Variants in GRIN2B observed in about 807,000 individuals in gnomAD.
GRIN2B encodes the protein glutamate receptor ionotropic, NMDA 2B.
Under a neutral mutation model 114.5 loss-of-function variants are expected in GRIN2B, and 5 were observed. That is an observed-to-expected ratio of 0.04 (90% confidence interval 0.02 to 0.09). The LOEUF (loss-of-function observed/expected upper bound fraction) is 0.09. GRIN2B is among the 10% of genes least tolerant of loss of function. GRIN2B has a pLI of 1.00. For synonymous variants in GRIN2B, 787 were observed against 745.1 expected, an observed-to-expected ratio of 1.06 and a Z score of -0.92; for missense variants, 1,108 against 1,943.5, an observed-to-expected ratio of 0.57 and a Z score of 8.08.
intron 3 of GRIN2B, among the ~76,000 whole-genome samples, chr12:13,777,515 A>G (rs2136652016): frequency 6.6e-6 from 1 of 152,320 alleles, no homozygotes; most frequent in South Asian, 2.1e-4. Context: ...CGCAATACCC[A>G]TCTTCAGAAT....
At chr12:13,711,410 G>A (rs188952595) in intron 4 of GRIN2B, among the ~76,000 whole-genome samples, 3,078 of 152,210 alleles carry the variant, frequency 0.02, 74 homozygotes, top group African/African-American at 0.054. Context: ...CTTCTGCACA[G>A]CAAAAGAAAC....
intron 2 of GRIN2B, among the ~76,000 whole-genome samples, chr12:13,897,777 T>C (rs1039321420): frequency 6.6e-6 from 1 of 152,108 alleles, no homozygotes; most frequent in African/African-American, 2.4e-5. Context: ...TGAATAGATA[T>C]TTAGATAATG....
At chr12:13,571,350 C>G (rs1948706271) in intron 11 of GRIN2B, among the ~76,000 whole-genome samples, 1 of 152,174 alleles carries the variant, frequency 6.6e-6, no homozygotes, top group Non-Finnish European at 1.5e-5. Flanking sequence ...TATGTTAACA[C>G]AAGCTGGCAC....
chr12:13,943,851 A>C (rs1350759906), intron 2 of GRIN2B, among the ~76,000 whole-genome samples: 1 of 152,122 alleles, frequency 6.6e-6, no homozygotes, highest in Non-Finnish European at 1.5e-5. Context: ...TCATATTTGC[A>C]TCTCTTCGTT....
In GRIN2B at chr12:13,911,409, G is replaced by A. The variant is rs150869318; in HGVS notation, c.-18-45183C>T. 2.6e-3 allele frequency among the ~76,000 whole-genome samples: 389 copies of A among 152,210 alleles called. 1 individual carries two copies. Among genetic ancestry groups the A allele is most frequent in the Middle Eastern group, 0.01 (3 of 294 alleles). The stretch of plus-strand genomic sequence containing the variant: ...TAAGCAACAAGAAGGCCTCGTCAAC[G>A]AAAGCAAGTGAGCCTCAGAAGTCTG... On this transcript the variant is annotated intron_variant, in intron 2 of 13. Transcript: ENST00000609686.
chr12:13,615,906 AT>A lies in GRIN2B; in HGVS notation c.1329-243del, dbSNP rs1256603394. On this transcript the variant is annotated intron_variant, in intron 6 of 13. Coordinates refer to ENST00000609686, the MANE Select transcript of GRIN2B (RefSeq NM_000834.5). This position sits in a 1 kb window ranked among gnomAD's most constrained non-coding sequence, Gnocchi z 5.8. ...TTTTAATTCTCCTTTGAAGTACAAA[AT>A]ACATAAGAAAAGGGTGCATATTTGA... Among the ~76,000 whole-genome samples, 2 of 152,152 alleles carry A rather than the reference AT, an allele frequency of 1.3e-5. No individual in the cohort carries two copies. Among genetic ancestry groups the A allele is most frequent in the Non-Finnish European group, 2.9e-5 (2 of 68,036 alleles).
In GRIN2B at chr12:13,639,482, G is replaced by A. The variant is rs143035366; in HGVS notation, c.1126-22825C>T. Among the ~76,000 whole-genome samples the A allele has an allele frequency of 2.0e-5, 3 of 152,214 alleles. No homozygotes were observed. The East Asian group carries it at 5.8e-4, about 29-fold the overall frequency. ...AATAGGTCACTTCTCAACGTTCAAT[G>A]TCCCATCTCCTTTTACGTTCCCACA... On this transcript the variant is annotated intron_variant, in intron 5 of 13. Transcript: ENST00000609686.
At chr12:13,740,927 G>C (rs1274260867) in intron 4 of GRIN2B, among the ~76,000 whole-genome samples, 1 of 152,216 alleles carries the variant, frequency 6.6e-6, no homozygotes, top group African/African-American at 2.4e-5. Flanking sequence ...TTCAGTGTGG[G>C]AAGTCTTTAC....
At position 13,615,810 on chromosome 12, in the gene GRIN2B, A is replaced by G. The variant is rs1949431809; in HGVS notation, c.1329-146T>C. ...GCACAATTTATACTAGACTCGAGTGAAGAAATAAAGCAGGCAACAGACCTG... is the reference window on the plus strand; with the variant it reads ...GCACAATTTATACTAGACTCGAGTGGAGAAATAAAGCAGGCAACAGACCTG... On this transcript the variant is annotated intron_variant, in intron 6 of 13. Transcript: ENST00000609686. The surrounding 1 kb of genome is among the most constrained non-coding windows in gnomAD (Gnocchi z 5.8). The G allele has an allele frequency of 1.4e-6, 1 of 714,446 alleles. No homozygotes were observed. Among genetic ancestry groups the G allele is most frequent in the Non-Finnish European group, 2.5e-6 (1 of 395,982 alleles). 44.3% of individuals were successfully genotyped at this position (714,446 alleles called of 1,614,324 possible).
chr12:13,594,032 T>G (rs1949041619), intron 10 of GRIN2B, among the ~76,000 whole-genome samples: 1 of 152,144 alleles, frequency 6.6e-6, no homozygotes, highest in Non-Finnish European at 1.5e-5. Flanking sequence ...CAACAGATGC[T>G]GGAGAGGATG....
chr12:13,563,119 G>A lies in GRIN2B; in HGVS notation c.4119C>T (p.Leu1373=). The part of the protein sequence containing the change: ...HHNNPGGGYM[L]SKSLYPDRVT... The stretch of plus-strand genomic sequence containing the variant: ...CCCGGTCAGGGTAGAGCGACTTGCT[G>A]AGCATGTACCCGCCGCCGGGGTTGT... Residue 1373 remains leucine (L), a synonymous_variant, in exon 14 of 14, where the codon CTC becomes CTT. Transcript: ENST00000609686. 1 of 1,614,186 alleles carries A rather than the reference G, an allele frequency of 6.2e-7. No individual in the cohort carries two copies. The highest frequency in any genetic ancestry group is 1.1e-5 in the South Asian group (1 of 91,088).
intron 3 of GRIN2B, among the ~76,000 whole-genome samples, chr12:13,823,779 G>A (rs139151789): frequency 7.9e-5 from 12 of 152,038 alleles, no homozygotes; most frequent in African/African-American, 1.7e-4. Flanking sequence ...GTATGATGTC[G>A]GCTATAGGTT....
chr12:13,926,709 T>A (rs879013259), intron 2 of GRIN2B, among the ~76,000 whole-genome samples: 2 of 152,192 alleles, frequency 1.3e-5, no homozygotes, highest in Admixed American at 1.3e-4. Context: ...ACCCCAGCAC[T>A]TCGGGAGGCC....
intron 5 of GRIN2B, among the ~76,000 whole-genome samples, chr12:13,644,570 G>T (rs1350517193): frequency 2.0e-5 from 3 of 150,362 alleles, no homozygotes; most frequent in Non-Finnish European, 3.0e-5. Context: ...TGTCTTTAAA[G>T]CTTTAAAGCC....
chr12:13,837,485 C>G (rs940930789), intron 3 of GRIN2B, among the ~76,000 whole-genome samples: 3 of 152,218 alleles, frequency 2.0e-5, no homozygotes, highest in East Asian at 3.9e-4. Flanking sequence ...GAAGGGCGCC[C>G]TTCTCAGCCA....
chr12:13,814,315 C>T (rs1466448324), intron 3 of GRIN2B, among the ~76,000 whole-genome samples: 1 of 152,340 alleles, frequency 6.6e-6, no homozygotes, highest in East Asian at 1.9e-4. Flanking sequence ...CCAGATCTCA[C>T]ATGCTATGTT....
rs763793097 is a variant in GRIN2B at position 13,564,768 on chromosome 12, A to G, written c.2599-129T>C. 3 of 871,850 alleles carry G rather than the reference A, an allele frequency of 3.4e-6. No homozygotes were observed. Among genetic ancestry groups the G allele is most frequent in the Non-Finnish European group, 5.7e-6 (3 of 525,236 alleles). The allele number at this position is 871,850 out of a possible 1,614,324, so 54.0% of individuals were successfully genotyped here. ...GAAAGCATGAAGCGAATAGTCTAAT[A>G]TACTATTAGATGTGGCTAGAAGTTT... On this transcript the variant is annotated intron_variant, in intron 13 of 13. Transcript: ENST00000609686. The surrounding 1 kb of genome is among the most constrained non-coding windows in gnomAD (Gnocchi z 4.8).
rs999301373 is a variant in GRIN2B at position 13,549,927 on chromosome 12, C to A, written c.*12856G>T. The A allele has an allele frequency of 6.6e-6, 1 of 152,062 alleles. No homozygotes were observed. Among genetic ancestry groups the A allele is most frequent in the African/African-American group, 2.4e-5 (1 of 41,396 alleles). The allele number at this position is 152,062 out of a possible 1,614,324, so 9.4% of individuals were successfully genotyped here. A position where few individuals can be genotyped will look rare whatever the true frequency, so the allele number is the denominator to read the frequency against. On this transcript the variant is annotated 3_prime_UTR_variant, in exon 14 of 14. Coordinates refer to ENST00000609686, the MANE Select transcript of GRIN2B (RefSeq NM_000834.5). Reference sequence around the variant, plus strand: ...CTGGCTAAATCAGCTGCCTAGATTTCGTGACTTTTCTCCACTGCTAGATGC... The same window carrying A: ...CTGGCTAAATCAGCTGCCTAGATTTAGTGACTTTTCTCCACTGCTAGATGC...
At chr12:13,771,892 A>G (rs1863916011) in intron 3 of GRIN2B, among the ~76,000 whole-genome samples, 1 of 152,244 alleles carries the variant, frequency 6.6e-6, no homozygotes, top group Admixed American at 6.5e-5. Flanking sequence ...CTTCAATGCA[A>G]CCTAGAACAG....
Sources: gnomAD v4.1 joint callset for allele counts (sites outside exome capture counted in the v4.1 genomes callset) on GRCh38, gnomAD v4.1.1 for gene constraint, Gnocchi (gnomAD v3.1) non-coding constraint, MANE v1.5 for transcripts, NCBI Gene and HGNC (gene_info 2026-07-23, HGNC 2026-07-21) for gene names.